Variants in CDC20B observed in about 807,000 individuals in gnomAD.
The protein encoded by CDC20B is cell division cycle protein 20 homolog B.
Under a neutral mutation model 64.1 loss-of-function variants are expected in CDC20B, and 58 were observed. That is an observed-to-expected ratio of 0.90 (90% CI 0.73 to 1.13). CDC20B has a LOEUF of 1.13. Among genes scored for constraint, CDC20B ranks in the 50% most tolerant of loss-of-function variants. The pLI is 0.00. For missense variants in CDC20B, 597 were observed against 633.0 expected (o/e 0.94, Z 0.61); for synonymous variants, 243 against 230.6 (o/e 1.05, Z -0.49).
chr5:55,149,940 C>A (rs905567876), intron 2 of CDC20B, among the ~76,000 whole-genome samples: 1 of 152,044 alleles, frequency 6.6e-6, no homozygotes, highest in African/African-American at 2.4e-5. Flanking sequence ...TCAAGACCAG[C>A]CTGACCAATA....
chr5:55,170,025 A>C (rs1744541352), intron 2 of CDC20B, among the ~76,000 whole-genome samples: 1 of 152,094 alleles, frequency 6.6e-6, no homozygotes, highest in African/African-American at 2.4e-5. Flanking sequence ...GAGGCAGGAG[A>C]ATGGCGTGAA....
chr5:55,159,297 G>A (rs958430607), intron 2 of CDC20B, among the ~76,000 whole-genome samples: 3 of 152,136 alleles, frequency 2.0e-5, no homozygotes, highest in South Asian at 2.1e-4. Flanking sequence ...GATTACAGGC[G>A]TGAGCCACCA....
Position 55,121,953 on chromosome 5 carries a change from T to C in CDC20B, c.1216-1403A>G, listed in dbSNP as rs140665812. Among the ~76,000 whole-genome samples the C allele has an allele frequency of 3.0e-4, 45 of 152,292 alleles. No individual in the cohort carries two copies. The East Asian group carries it at 7.7e-3, about 26-fold the overall frequency. On this transcript the variant is annotated intron_variant, in intron 9 of 11. Transcript: ENST00000381375. ...AAACATACATCTGAATATACAATAG[T>C]TGCTCTCATTCTTCATTTAACCAAC...
chr5:55,170,033 GA>G (rs1744541841), intron 2 of CDC20B, among the ~76,000 whole-genome samples: 1 of 151,986 alleles, frequency 6.6e-6, no homozygotes, highest in Non-Finnish European at 1.5e-5. Context: ...AGAATGGCGT[GA>G]ACCCGGGAGG....
intron 8 of CDC20B, among the ~76,000 whole-genome samples, chr5:55,126,924 C>G (rs1742907291): frequency 6.6e-6 from 1 of 152,188 alleles, no homozygotes; most frequent in South Asian, 2.1e-4. Context: ...TAGATACTGA[C>G]AGCAATAAAT....
intron 6 of CDC20B, among the ~76,000 whole-genome samples, chr5:55,130,500 T>A (rs1743003380): frequency 1.3e-5 from 2 of 152,126 alleles, no homozygotes; most frequent in Admixed American, 6.6e-5. Context: ...TGGAACAACA[T>A]CTTTTAAATG....
chr5:55,173,053 TG>T lies in CDC20B; in HGVS notation c.-54del. 2.6e-6 allele frequency: 4 copies of T among 1,519,600 alleles called. No homozygotes were observed. The South Asian group carries it at 4.7e-5, about 18-fold the overall frequency. 94.1% of individuals were successfully genotyped at this position (1,519,600 alleles called of 1,614,324 possible). A position where few individuals can be genotyped will look rare whatever the true frequency, so the allele number is the denominator to read the frequency against. On this transcript the variant is annotated 5_prime_UTR_variant, in exon 1 of 12. Transcript: ENST00000381375. ...TTTGGCCTCTCTGCTCGACTGCCTC[TG>T]GTTTTCTTCCCAGGTCTAAGTCAGT... is the stretch of plus-strand genomic sequence containing the variant.
At chr5:55,165,409 A>T (rs908069597) in intron 2 of CDC20B, 16 of 152,236 alleles carry the variant, frequency 1.1e-4, no homozygotes, top group African/African-American at 2.9e-4. Context: ...CCAAAAATGT[A>T]AAAAAGTCGT....
intron 2 of CDC20B, among the ~76,000 whole-genome samples, chr5:55,159,874 G>A (rs1334997714): frequency 1.3e-5 from 2 of 152,170 alleles, no homozygotes; most frequent in South Asian, 2.1e-4. Context: ...TGAGCCCTCC[G>A]TAGCTTTCGA....
chr5:55,150,086 C>T (rs929378853), intron 2 of CDC20B, among the ~76,000 whole-genome samples: 1 of 151,992 alleles, frequency 6.6e-6, no homozygotes, highest in East Asian at 1.9e-4. Flanking sequence ...GAGCCGAGAT[C>T]GCACCATTGC....
chr5:55,133,686 A>G (rs1438960025), intron 5 of CDC20B, among the ~76,000 whole-genome samples, 158 bp from the exon 6 acceptor site: 1 of 152,210 alleles, frequency 6.6e-6, no homozygotes, highest in Admixed American at 6.5e-5. Context: ...CGGGGAAGGA[A>G]GGAAATGAAG....
At chr5:55,154,989 G>T (rs761199230) in intron 2 of CDC20B, among the ~76,000 whole-genome samples, 1 of 152,222 alleles carries the variant, frequency 6.6e-6, no homozygotes, top group Non-Finnish European at 1.5e-5. Flanking sequence ...TTCATCTTCA[G>T]TATTTTTAAA....
chr5:55,169,643 C>T (rs1744523010), intron 2 of CDC20B, among the ~76,000 whole-genome samples: 1 of 152,118 alleles, frequency 6.6e-6, no homozygotes, highest in African/African-American at 2.4e-5. Flanking sequence ...TGAGGTAGAT[C>T]TTCCAAAAAA....
At chr5:55,161,151 A>G in intron 2 of CDC20B, 2 of 1,614,226 alleles carry the variant, frequency 1.2e-6, no homozygotes. Flanking sequence ...CCAAGCAAGG[A>G]AGTAGAATCT....
intron 2 of CDC20B, among the ~76,000 whole-genome samples, chr5:55,162,264 T>TAATTACA (rs1422756293): frequency 1.3e-5 from 2 of 151,950 alleles, no homozygotes; most frequent in Non-Finnish European, 2.9e-5. Context: ...GGTGTGGTGG[T>TAATTACA]GGGCACCTGT....
chr5:55,137,033 C>G (rs943549084), intron 5 of CDC20B: 1 of 153,028 alleles, frequency 6.5e-6, no homozygotes, highest in African/African-American at 2.4e-5. Flanking sequence ...ACTAAAAATA[C>G]AAAAATTAGC....
rs568590000 is a variant in CDC20B at position 55,130,154 on chromosome 5, T to C, written c.698-1537A>G. 3.3e-5 allele frequency among the ~76,000 whole-genome samples: 5 copies of C among 151,956 alleles called. No individual in the cohort carries two copies. In the East Asian group the frequency reaches 9.7e-4, roughly 29 times the overall value. ...AAAAGTATTTTCTAAGTAAAGAAAA[T>C]AGAAACCATAAAACAAAGCTCTAAA... is the stretch of plus-strand genomic sequence containing the variant. On this transcript the variant is annotated intron_variant, in intron 6 of 11. Transcript: ENST00000381375.
chr5:55,157,457 A>G (rs1039694002), intron 2 of CDC20B, among the ~76,000 whole-genome samples: 4 of 152,256 alleles, frequency 2.6e-5, no homozygotes, highest in African/African-American at 7.2e-5. Flanking sequence ...ATGAAAATTT[A>G]TATATCATGC....
chr5:55,158,690 C>T (rs1743887615), intron 2 of CDC20B, among the ~76,000 whole-genome samples: 1 of 152,182 alleles, frequency 6.6e-6, no homozygotes, highest in African/African-American at 2.4e-5. Context: ...GATCAAATGG[C>T]ATAATGCCCC....
Sources: gnomAD v4.1 joint callset for allele counts (sites outside exome capture counted in the v4.1 genomes callset) on GRCh38, gnomAD v4.1.1 for gene constraint, MANE v1.5 for transcripts, NCBI Gene and HGNC (gene_info 2026-07-23, HGNC 2026-07-21) for gene names.